The following DNAH9 variants were observed in gnomAD, a reference collection of about 807,000 sequenced individuals.
DNAH9 encodes DNAH9 variant protein.
Under a neutral mutation model 471.6 loss-of-function variants are expected in DNAH9, and 345 were observed. The observed-to-expected ratio is 0.73, with a 90% CI of 0.67 to 0.80. The LOEUF (loss-of-function observed/expected upper bound fraction) is 0.80. Ranked by LOEUF, DNAH9 falls within the 30% of genes least tolerant of loss-of-function variation. The pLI is 0.00. For synonymous variants in DNAH9, 2,093 were observed against 2,123.6 expected, an observed-to-expected ratio of 0.99 and a Z score of 0.40; for missense variants, 5,407 against 5,609.2, an observed-to-expected ratio of 0.96 and a Z score of 1.15.
rs751229321 is a variant in DNAH9, at chr17:11,781,831, T to TAAAAAA, written c.7718+664_7718+669dup. On this transcript the variant is annotated intron_variant, in intron 39 of 68. Coordinates refer to ENST00000262442, the MANE Select transcript of DNAH9 (RefSeq NM_001372.4). ...TGGGCAACAGAGCGAGACTCCATCT[T>TAAAAAA]AAAAAAAAAAAACAAACAAAAAAAA... Among the ~76,000 whole-genome samples, 176 of 108,504 alleles carry TAAAAAA rather than the reference T, an allele frequency of 1.6e-3. 7 individuals carry two copies. Among genetic ancestry groups the TAAAAAA allele is most frequent in the African/African-American group, 6.3e-3 (135 of 21,292 alleles). The allele number at this position is 108,504 out of a possible 152,430, so 71.2% of individuals were successfully genotyped here. A position where few individuals can be genotyped will look rare whatever the true frequency, so the allele number is the denominator to read the frequency against.
intron 56 of DNAH9, 77 bp from the exon 57 acceptor site, chr17:11,886,748 C>T (rs1972889696): frequency 5.9e-6 from 9 of 1,528,200 alleles, no homozygotes; most frequent in South Asian, 1.3e-5. Flanking sequence ...CATGTCTACT[C>T]ACACAGAGGG....
At chr17:11,908,746 A>AAAAGAATC (rs1333784631) in intron 61 of DNAH9, among the ~76,000 whole-genome samples, 11 of 152,384 alleles carry the variant, frequency 7.2e-5, no homozygotes, top group Non-Finnish European at 1.5e-5. Flanking sequence ...AATGTGGACA[A>AAAAGAATC]AAAGAATCTC....
chr17:11,872,027 C>A (rs544153324), intron 52 of DNAH9, among the ~76,000 whole-genome samples: 6 of 152,286 alleles, frequency 3.9e-5, no homozygotes, highest in African/African-American at 1.4e-4. Context: ...CATGGGAACA[C>A]TAGTCCTCTT....
At chr17:11,936,641 C>T (rs541208221) in intron 65 of DNAH9, among the ~76,000 whole-genome samples, 1 of 151,998 alleles carries the variant, frequency 6.6e-6, no homozygotes, top group African/African-American at 2.4e-5. Context: ...GAGCCTGTCT[C>T]ACACACACAC....
chr17:11,918,856 C>T (rs537422635), intron 61 of DNAH9, among the ~76,000 whole-genome samples: 4 of 152,106 alleles, frequency 2.6e-5, no homozygotes, highest in Admixed American at 1.3e-4. Context: ...AGTGGTGGCA[C>T]GTGCCTGTAA....
Position 11,871,605 on chromosome 17 carries a change from G to A in DNAH9, c.10061G>A (p.Gly3354Glu). The change falls in exon 52 of 69, where the codon GGA becomes GAA. Residue 3354 changes from glycine (G) to glutamate (E), a missense_variant. Around this residue, in one of 3 missense-constraint regions of DNAH9, gnomAD observed 4,636 missense variants for 4,900.3 expected, o/e 0.95. Transcript: ENST00000262442. Reference sequence around the variant, plus strand: ...TGGCTTTTGAAATGGTAGGTTGGAGGACTCGCTTCTGAAAACGTGAGGTGG... The same window carrying A: ...TGGCTTTTGAAATGGTAGGTTGGAGAACTCGCTTCTGAAAACGTGAGGTGG... ...TISLANRLVGGLASENVRWAD... is the reference protein window; with the variant it reads ...TISLANRLVGELASENVRWAD... 1 of 1,613,724 alleles carries A rather than the reference G, an allele frequency of 6.2e-7. No individual in the cohort carries two copies. The highest frequency in any genetic ancestry group is 1.3e-5 in the African/African-American group (1 of 75,062).
chr17:11,952,509 T>C (rs1484420171), intron 67 of DNAH9, among the ~76,000 whole-genome samples: 1 of 151,992 alleles, frequency 6.6e-6, no homozygotes, highest in African/African-American at 2.4e-5. Flanking sequence ...AATAGCCACA[T>C]GTGGCTAGTG....
chr17:11,817,978 C>T (rs982028128), intron 45 of DNAH9, among the ~76,000 whole-genome samples: 2 of 152,110 alleles, frequency 1.3e-5, no homozygotes, highest in African/African-American at 2.4e-5. Context: ...CCATGAAGTC[C>T]GTAATTTGCT....
chr17:11,671,571 G>A (rs2150730909), intron 17 of DNAH9, among the ~76,000 whole-genome samples: 1 of 152,324 alleles, frequency 6.6e-6, no homozygotes, highest in Non-Finnish European at 1.5e-5. Flanking sequence ...GGCTGATTAG[G>A]GCAGGGGGAT....
intron 10 of DNAH9, among the ~76,000 whole-genome samples, chr17:11,641,812 G>A (rs2073278787): frequency 6.6e-6 from 1 of 152,146 alleles, no homozygotes; most frequent in African/African-American, 2.4e-5. Flanking sequence ...GGAATTTATA[G>A]AGATCCTTTC....
intron 50 of DNAH9, among the ~76,000 whole-genome samples, chr17:11,857,204 C>T (rs1272523530): frequency 6.6e-6 from 1 of 152,192 alleles, no homozygotes; most frequent in Non-Finnish European, 1.5e-5. Flanking sequence ...CAGTAGCCAA[C>T]ATTCACATGA....
intron 26 of DNAH9, among the ~76,000 whole-genome samples, chr17:11,706,005 C>A (rs930896934): frequency 1.3e-5 from 2 of 152,060 alleles, no homozygotes; most frequent in Non-Finnish European, 2.9e-5. Context: ...TAAAACGATT[C>A]TCTTGAAAAT....
Position 11,704,978 on chromosome 17 carries a change from A to C in DNAH9, c.5392-47A>C, listed in dbSNP as rs201185293. 77 of 1,550,898 alleles carry C rather than the reference A, an allele frequency of 5.0e-5. No individual in the cohort carries two copies. In the African/African-American group the frequency reaches 8.8e-4, roughly 18 times the overall value. ...CTATGTGTCTTGTGGCCAAGGGACT[A>C]CCTGCTGCCTATGATTCACCCACCT... On this transcript the variant is annotated intron_variant, in intron 25 of 68. Coordinates refer to ENST00000262442, the MANE Select transcript of DNAH9 (RefSeq NM_001372.4).
intron 18 of DNAH9, among the ~76,000 whole-genome samples, chr17:11,680,217 T>C (rs1008667005): frequency 1.3e-5 from 2 of 150,536 alleles, no homozygotes; most frequent in African/African-American, 4.9e-5. Flanking sequence ...TTTTTCTCCA[T>C]AGAAATGAAC....
chr17:11,807,647 C>T, intron 43 of DNAH9, 85 bp from the exon 44 acceptor site: 1 of 1,448,564 alleles, frequency 6.9e-7, no homozygotes, highest in Non-Finnish European at 9.4e-7. Flanking sequence ...CAAGGAAGGC[C>T]CCTGCTCCCA....
rs150333750 is a variant in DNAH9 at position 11,810,249 on chromosome 17, G to A, written c.8587G>A (p.Asp2863Asn). The part of the protein sequence containing the change: ...KGYQIQDFKM[D>N]LASLCLKAGV... ...CTGATATTGACCATTCCTACAGATG[G>A]ACCTGGCCAGCCTGTGTCTGAAAGC... is the stretch of plus-strand genomic sequence containing the variant. Residue 2863 changes from aspartate to asparagine, a missense_variant, in exon 45 of 69, where the codon GAC (aspartate) becomes AAC (asparagine). By Grantham distance (23) the Asp-to-Asn change is conservative. Coordinates refer to ENST00000262442, the MANE Select transcript of DNAH9 (RefSeq NM_001372.4). The A allele has an allele frequency of 1.9e-6, 3 of 1,612,106 alleles. No individual in the cohort carries two copies. The highest frequency in any genetic ancestry group is 1.7e-6 in the Non-Finnish European group (2 of 1,179,180).
chr17:11,632,576 T>C lies in DNAH9; in HGVS notation c.1519-11T>C, dbSNP rs1034915073. 2.2e-6 allele frequency: 3 copies of C among 1,334,022 alleles called. No homozygotes were observed. Among genetic ancestry groups the C allele is most frequent in the Non-Finnish European group, 2.2e-6 (2 of 924,876 alleles). The allele number at this position is 1,334,022 out of a possible 1,614,324, so 82.6% of individuals were successfully genotyped here. A position where few individuals can be genotyped will look rare whatever the true frequency, so the allele number is the denominator to read the frequency against. On this transcript the variant is annotated splice_polypyrimidine_tract_variant and intron_variant, in intron 7 of 68. Transcript: ENST00000262442. Reference sequence around the variant, plus strand: ...TTACGTTTTCCTTATATATATATGGTGTCTCTTCAGGACTTTGAAAATGAC... The same window carrying C: ...TTACGTTTTCCTTATATATATATGGCGTCTCTTCAGGACTTTGAAAATGAC...
intron 36 of DNAH9, 143 bp downstream of exon 36, chr17:11,763,757 C>A: frequency 1.2e-6 from 1 of 801,294 alleles, no homozygotes; most frequent in South Asian, 1.7e-5. Flanking sequence ...CTACCTATTA[C>A]TCTGCTAAAG....
At chr17:11,911,963 C>G (rs545311163) in intron 61 of DNAH9, among the ~76,000 whole-genome samples, 1 of 152,316 alleles carries the variant, frequency 6.6e-6, no homozygotes, top group African/African-American at 2.4e-5. Context: ...TTTCCAGTTA[C>G]AAGACCATGT....
Sources: allele counts gnomAD v4.1 joint callset (sites outside exome capture counted in the v4.1 genomes callset), GRCh38; gene constraint gnomAD v4.1.1; regional missense constraint gnomAD v4.1.1; transcripts MANE v1.5; gene names NCBI Gene and HGNC (gene_info 2026-07-23, HGNC 2026-07-21).